WTIP: variants seen among roughly 807,000 people sequenced by gnomAD.
The protein encoded by WTIP is WT1 interacting protein.
Under a neutral mutation model 41.7 loss-of-function variants are expected in WTIP, and 23 were observed. The ratio of observed to expected loss-of-function variants is 0.55; its 90% CI spans 0.40 to 0.78. The LOEUF (loss-of-function observed/expected upper bound fraction) is 0.78, where lower values mean the gene tolerates loss of function less well. Ranked by LOEUF, WTIP falls within the 30% of genes least tolerant of loss-of-function variation. The probability of loss-of-function intolerance (pLI) is 0.00; values close to 1 mark genes in which losing one functional copy is unlikely to be tolerated. For synonymous variants in WTIP, 314 were observed against 269.9 expected (o/e 1.16, Z -1.60); for missense variants, 619 against 610.5 (o/e 1.01, Z -0.15).
chr19:34,500,130 A>C lies in WTIP; in HGVS notation c.1154A>C (p.Asp385Ala), dbSNP rs756212130. 4 of 1,599,146 alleles carry C rather than the reference A, an allele frequency of 2.5e-6. No individual in the cohort carries two copies. The Admixed American group carries it at 6.7e-5, about 27-fold the overall frequency. ...DYHVACYHCE[D>A]CGLQLSGEEG... ...GCTGGGGGCTGTGTTCTTCCCTAGG[A>C]CTGCGGGCTGCAGCTGAGCGGGGAG... The change falls in exon 8 of 8, where the codon GAC (aspartate) becomes GCC (alanine). Residue 385 changes from aspartate to alanine, a missense_variant and splice_region_variant. This residue lies in a region of WTIP where 92 missense variants were observed against 82.4 expected (regional missense o/e 1.12). Transcript: ENST00000590071.
chr19:34,493,504 C>T lies in WTIP; in HGVS notation c.913C>T (p.Leu305=). 1 of 1,613,628 alleles carries T rather than the reference C, an allele frequency of 6.2e-7. No homozygotes were observed. Among genetic ancestry groups the T allele is most frequent in the Middle Eastern group, 1.6e-4 (1 of 6,062 alleles). ...GCCCCGCCCACAGATCCTGCAGGCC[C>T]TGGGCAAGTCCTACCACCCAGGCTG... ...HLIMEMILQA[L]GKSYHPGCFR... Residue 305 remains leucine (L), a synonymous_variant, in exon 5 of 8, where the codon CTG becomes TTG. Transcript: ENST00000590071. The surrounding 1 kb of genome is among the most constrained non-coding windows in gnomAD (Gnocchi z 4.1).
Position 34,482,068 on chromosome 19 carries a change from CG to C in WTIP, c.99del (p.Arg34GlyfsTer33). ...GGAGCCCGGGTGCGGCTCTCCCGGT[CG>C]GGGGCGGCGGGGGCCGCGGCCTGGG... ...ELEPGCGSPG[R>X]GRRGPRPGPG... On this transcript the variant is annotated frameshift_variant, in exon 1 of 8. Coordinates refer to ENST00000590071, the MANE Select transcript of WTIP (RefSeq NM_001080436.2). LOFTEE classifies it high-confidence loss of function. The C allele has an allele frequency of 2.9e-6, 3 of 1,034,372 alleles. No individual in the cohort carries two copies. Among genetic ancestry groups the C allele is most frequent in the East Asian group, 8.2e-5 (1 of 12,170 alleles). The allele number at this position is 1,034,372 out of a possible 1,614,324, so 64.1% of individuals were successfully genotyped here.
intron 7 of WTIP, chr19:34,498,756 TGGGCGTGGTGGCGGGCGCCTGTAGTCC>T (rs1299265854): frequency 6.6e-6 from 1 of 151,522 alleles, no homozygotes; most frequent in African/African-American, 2.4e-5. Context: ...AAAAATTAGC[TGGGCGTGGTGGCGGGCGCCTGTAGTCC>T]CAGCTACTCG....
At chr19:34,491,356 G>A (rs181993447) in intron 2 of WTIP, among the ~76,000 whole-genome samples, 28 of 151,022 alleles carry the variant, frequency 1.9e-4, no homozygotes, top group Admixed American at 1.5e-3. Context: ...AGACAGTCTC[G>A]CTCTATTGCC....
At position 34,490,231 on chromosome 19, in the gene WTIP, T is replaced by G. The variant is rs2075818702; in HGVS notation, c.668-145T>G. 4.4e-6 allele frequency: 3 copies of G among 675,032 alleles called. No individual in the cohort carries two copies. The South Asian group carries it at 5.6e-5, about 13-fold the overall frequency. 41.8% of individuals were successfully genotyped at this position (675,032 alleles called of 1,614,324 possible). ...GTGGCCACCCTGATGGTGCCCATGTTGGTCATCAGTAATCGAGTGATGTTG... is the reference window on the plus strand; with the variant it reads ...GTGGCCACCCTGATGGTGCCCATGTGGGTCATCAGTAATCGAGTGATGTTG... On this transcript the variant is annotated intron_variant, in intron 1 of 7. Transcript: ENST00000590071.
rs1380173866 is a variant in WTIP at position 34,500,531 on chromosome 19, G to A, written c.*262G>A. On this transcript the variant is annotated 3_prime_UTR_variant, in exon 8 of 8. Coordinates refer to ENST00000590071, the MANE Select transcript of WTIP (RefSeq NM_001080436.2). ...GGCCCCCTGTGCCCTGCAGCCTCAG[G>A]GTAGGCCGTGGGTCACCAGGCTGGA... is the stretch of plus-strand genomic sequence containing the variant. 1 of 445,906 alleles carries A rather than the reference G, an allele frequency of 2.2e-6. No individual in the cohort carries two copies. The highest frequency in any genetic ancestry group is 2.0e-5 in the African/African-American group (1 of 50,682). The allele number at this position is 445,906 out of a possible 1,614,324, so 27.6% of individuals were successfully genotyped here.
At chr19:34,486,754 G>C (rs1206465257) in intron 1 of WTIP, among the ~76,000 whole-genome samples, 1 of 151,972 alleles carries the variant, frequency 6.6e-6, no homozygotes, top group Non-Finnish European at 1.5e-5. Flanking sequence ...TTGGAATCTT[G>C]AGGTCAGCAG....
chr19:34,483,183 CTTTTTTTTTT>C (rs10611262), intron 1 of WTIP, among the ~76,000 whole-genome samples: 5 of 102,602 alleles, frequency 4.9e-5, no homozygotes, highest in Middle Eastern at 4.6e-3. Flanking sequence ...CTTCTTCTTA[CTTTTTTTTTT>C]TTTTTTTTTT....
At position 34,500,558 on chromosome 19, in the gene WTIP, AG is replaced by A; in HGVS notation, c.*292del. ...TAGGCCGTGGGTCACCAGGCTGGAG[AG>A]GGCCCCTGCCTTGGCCAGGGGTGCG... On this transcript the variant is annotated 3_prime_UTR_variant, in exon 8 of 8. Coordinates refer to ENST00000590071, the MANE Select transcript of WTIP (RefSeq NM_001080436.2). 1 of 367,684 alleles carries A rather than the reference AG, an allele frequency of 2.7e-6. No individual in the cohort carries two copies. The allele number at this position is 367,684 out of a possible 1,614,324, so 22.8% of individuals were successfully genotyped here.
rs1339124318 is a variant in WTIP at position 34,503,656 on chromosome 19, T to A, written c.*3387T>A. ...CCTTCCCTGGTCTGAGTGGCAAGTC[T>A]CCTGCCATCCCTGTCCCCGCTATGC... On this transcript the variant is annotated 3_prime_UTR_variant, in exon 8 of 8. Transcript: ENST00000590071. 6.5e-6 allele frequency: 1 copy of A among 152,798 alleles called. No individual in the cohort carries two copies. Among genetic ancestry groups the A allele is most frequent in the African/African-American group, 2.4e-5 (1 of 41,458 alleles). 9.5% of individuals were successfully genotyped at this position (152,798 alleles called of 1,614,324 possible). A position where few individuals can be genotyped will look rare whatever the true frequency, so the allele number is the denominator to read the frequency against.
Position 34,493,684 on chromosome 19 carries a change from G to C in WTIP, c.1031+62G>C. 1 of 1,604,872 alleles carries C rather than the reference G, an allele frequency of 6.2e-7. No individual in the cohort carries two copies. The highest frequency in any genetic ancestry group is 8.5e-7 in the Non-Finnish European group (1 of 1,175,230). ...GCCGTCCTCCCTGGCTCCTCTGGAAGCATTTTTTTCCTGCTGGACTGACTG... is the reference window on the plus strand; with the variant it reads ...GCCGTCCTCCCTGGCTCCTCTGGAACCATTTTTTTCCTGCTGGACTGACTG... On this transcript the variant is annotated intron_variant, in intron 5 of 7. Coordinates refer to ENST00000590071, the MANE Select transcript of WTIP (RefSeq NM_001080436.2). The surrounding 1 kb of genome is among the most constrained non-coding windows in gnomAD (Gnocchi z 4.1).
rs1317010984 is a variant in WTIP, at chr19:34,493,151, C to T, written c.837+47C>T. On this transcript the variant is annotated intron_variant, in intron 3 of 7. Transcript: ENST00000590071. The surrounding 1 kb of genome is among the most constrained non-coding windows in gnomAD (Gnocchi z 4.1). The stretch of plus-strand genomic sequence containing the variant: ...GCAGTGCCAGGGGTGGGAGGTGGGG[C>T]AGGGACCCTCATTCTGACTCGAGTG... The T allele has an allele frequency of 6.2e-7, 1 of 1,613,222 alleles. No homozygotes were observed. The highest frequency in any genetic ancestry group is 1.3e-5 in the African/African-American group (1 of 74,922).
Position 34,505,013 on chromosome 19 carries a change from C to T in WTIP, c.*4744C>T, listed in dbSNP as rs543155910. 7 of 152,700 alleles carry T rather than the reference C, an allele frequency of 4.6e-5. No individual in the cohort carries two copies. The highest frequency in any genetic ancestry group is 4.6e-4 in the Admixed American group (7 of 15,294). The allele number at this position is 152,700 out of a possible 1,614,324, so 9.5% of individuals were successfully genotyped here. A position where few individuals can be genotyped will look rare whatever the true frequency, so the allele number is the denominator to read the frequency against. On this transcript the variant is annotated 3_prime_UTR_variant, in exon 8 of 8. Transcript: ENST00000590071. ...GGGGAGCATCAGGGCCACCTGCAGCCTCCACCCAGCCCAGCTCTGGAGGCT... is the reference window on the plus strand; with the variant it reads ...GGGGAGCATCAGGGCCACCTGCAGCTTCCACCCAGCCCAGCTCTGGAGGCT...
At chr19:34,499,731 C>T (rs1017158927) in intron 7 of WTIP, among the ~76,000 whole-genome samples, 3 of 150,216 alleles carry the variant, frequency 2.0e-5, no homozygotes, top group Non-Finnish European at 3.0e-5. Context: ...TGGAGTTTCG[C>T]TGTTGTCACC....
Position 34,482,748 on chromosome 19 carries a change from C to T in WTIP, c.667+107C>T, listed in dbSNP as rs554284736. The T allele has an allele frequency of 3.2e-3, 3,831 of 1,200,348 alleles. 18 individuals are homozygous for T. The highest frequency in any genetic ancestry group is 3.8e-3 in the Non-Finnish European group (3,685 of 968,128). The allele number at this position is 1,200,348 out of a possible 1,614,324, so 74.4% of individuals were successfully genotyped here. On this transcript the variant is annotated intron_variant, in intron 1 of 7. Transcript: ENST00000590071. The stretch of plus-strand genomic sequence containing the variant: ...TCAGCGGAGGAGAGCACGGGGCTGG[C>T]TGGGGGTGCAGCAGTGCACGGGGTT...
rs2075824019 is a variant in WTIP, at chr19:34,491,313, G to A, written c.769+836G>A. Among the ~76,000 whole-genome samples, 4 of 150,924 alleles carry A rather than the reference G, an allele frequency of 2.7e-5. No homozygotes were observed. In the South Asian group the frequency reaches 8.4e-4, roughly 32 times the overall value. ...TCAGACATCTTTTATGTATTTGCAC[G>A]TTTTTTAATTTTAATTTTATATTTT... On this transcript the variant is annotated intron_variant, in intron 2 of 7. Coordinates refer to ENST00000590071, the MANE Select transcript of WTIP (RefSeq NM_001080436.2).
Position 34,494,566 on chromosome 19 carries a change from G to C in WTIP, c.1032-20G>C. 6.2e-7 allele frequency: 1 copy of C among 1,612,882 alleles called. No individual in the cohort carries two copies. Among genetic ancestry groups the C allele is most frequent in the Non-Finnish European group, 8.5e-7 (1 of 1,179,356 alleles). On this transcript the variant is annotated intron_variant, in intron 5 of 7. Coordinates refer to ENST00000590071, the MANE Select transcript of WTIP (RefSeq NM_001080436.2). ...TCTGGTCACTCAGCTGATCACTTCTGGTTTCCTTTATTTCTCTAGGGTTTT... is the reference window on the plus strand; with the variant it reads ...TCTGGTCACTCAGCTGATCACTTCTCGTTTCCTTTATTTCTCTAGGGTTTT...
intron 6 of WTIP, among the ~76,000 whole-genome samples, chr19:34,495,481 ACTGTGGG>A (rs2075848089): frequency 6.6e-6 from 1 of 152,034 alleles, no homozygotes; most frequent in Non-Finnish European, 1.5e-5. Flanking sequence ...CTTTGTGCGT[ACTGTGGG>A]CTGTGATCGT....
rs571908581 is a variant in WTIP, at chr19:34,497,016, C to G, written c.1152+1245C>G. Among the ~76,000 whole-genome samples, 6 of 152,296 alleles carry G rather than the reference C, an allele frequency of 3.9e-5. No homozygotes were observed. In the South Asian group the frequency reaches 1.2e-3, roughly 32 times the overall value. On this transcript the variant is annotated intron_variant, in intron 7 of 7. Coordinates refer to ENST00000590071, the MANE Select transcript of WTIP (RefSeq NM_001080436.2). ...TAGCTGGGACTACAGGCACCCACCA[C>G]CACACCCGGCTAGTTTTTGTGTTTT... is the stretch of plus-strand genomic sequence containing the variant.
Sources: allele counts gnomAD v4.1 joint callset (sites outside exome capture counted in the v4.1 genomes callset), GRCh38; gene constraint gnomAD v4.1.1; regional missense constraint gnomAD v4.1.1; non-coding constraint Gnocchi (gnomAD v3.1); transcripts MANE v1.5; gene names NCBI Gene and HGNC (gene_info 2026-07-23, HGNC 2026-07-21).